Variants in SERINC5 observed in about 807,000 individuals in gnomAD.
SERINC5 encodes the protein chromosome 5 open reading frame 12.
Under a neutral mutation model 63.1 loss-of-function variants are expected in SERINC5, and 41 were observed. The observed-to-expected ratio is 0.65, with a 90% confidence interval of 0.51 to 0.84. The LOEUF (loss-of-function observed/expected upper bound fraction) is 0.84, where lower values mean the gene tolerates loss of function less well. Ranked by LOEUF, SERINC5 falls within the 40% of genes least tolerant of loss-of-function variation. The pLI, the probability that SERINC5 is intolerant of heterozygous loss-of-function variation, is 0.00. For synonymous variants in SERINC5, 222 were observed against 215.2 expected, an observed-to-expected ratio of 1.03 and a Z score of -0.28; for missense variants, 523 against 573.0, an observed-to-expected ratio of 0.91 and a Z score of 0.89.
chr5:80,120,730 G>A (rs1220298261), intron 11 of SERINC5, among the ~76,000 whole-genome samples: 3 of 151,986 alleles, frequency 2.0e-5, no homozygotes, highest in African/African-American at 4.8e-5. Flanking sequence ...CACAAGAATC[G>A]CTTGAACCCA....
chr5:80,213,969 T>C (rs889572743), intron 1 of SERINC5, among the ~76,000 whole-genome samples: 12 of 152,212 alleles, frequency 7.9e-5, no homozygotes, highest in Admixed American at 2.6e-4. Context: ...ATACATAAGA[T>C]GACTATCTAC....
chr5:80,203,472 G>A (rs1034116884), intron 1 of SERINC5, among the ~76,000 whole-genome samples: 1 of 151,632 alleles, frequency 6.6e-6, no homozygotes, highest in Non-Finnish European at 1.5e-5. Flanking sequence ...AGGAGTTTGA[G>A]ATCAGCCTGG....
intron 1 of SERINC5, among the ~76,000 whole-genome samples, chr5:80,230,855 C>G (rs1047366581): frequency 1.3e-5 from 2 of 152,128 alleles, no homozygotes; most frequent in African/African-American, 4.8e-5. Flanking sequence ...CTATCCCAGG[C>G]TGGATGGAGT....
At chr5:80,250,410 T>G (rs957774055) in intron 1 of SERINC5, among the ~76,000 whole-genome samples, 1 of 152,184 alleles carries the variant, frequency 6.6e-6, no homozygotes, top group African/African-American at 2.4e-5. Context: ...GCCATGATCT[T>G]GGCTCACAGC....
At chr5:80,131,749 T>C (rs1744957170) in intron 11 of SERINC5, among the ~76,000 whole-genome samples, 1 of 152,174 alleles carries the variant, frequency 6.6e-6, no homozygotes, top group Non-Finnish European at 1.5e-5. Context: ...AGCAGAAATA[T>C]CTCACACCTC....
chr5:80,161,038 A>G (rs956240175), intron 7 of SERINC5, among the ~76,000 whole-genome samples: 10 of 123,976 alleles, frequency 8.1e-5, no homozygotes, highest in Non-Finnish European at 1.4e-4. Context: ...ACACACGTGT[A>G]TATATATATA....
intron 9 of SERINC5, 23 bp downstream of exon 9, chr5:80,150,859 A>T: frequency 6.4e-7 from 1 of 1,555,198 alleles, no homozygotes; most frequent in Non-Finnish European, 8.9e-7. Context: ...ATGAAGCAGG[A>T]CAGGAAAAGG....
At chr5:80,198,913 T>A (rs1451162293) in intron 2 of SERINC5, among the ~76,000 whole-genome samples, 1 of 152,192 alleles carries the variant, frequency 6.6e-6, no homozygotes, top group Non-Finnish European at 1.5e-5. Context: ...AGAGCCTCTG[T>A]GAGGGACATC....
At chr5:80,118,154 G>A (rs1005740601) in intron 11 of SERINC5, among the ~76,000 whole-genome samples, 1 of 151,912 alleles carries the variant, frequency 6.6e-6, no homozygotes, top group African/African-American at 2.4e-5. Flanking sequence ...AATGAACTGA[G>A]ATCACACCAT....
intron 1 of SERINC5, among the ~76,000 whole-genome samples, chr5:80,228,191 C>T (rs966566202): frequency 1.4e-5 from 2 of 142,646 alleles, no homozygotes; most frequent in Admixed American, 7.2e-5. Flanking sequence ...GCTATGATTT[C>T]GGCACTACAC....
intron 5 of SERINC5, among the ~76,000 whole-genome samples, chr5:80,173,452 C>G (rs1013362337): frequency 6.6e-6 from 1 of 151,966 alleles, no homozygotes; most frequent in Non-Finnish European, 1.5e-5. Flanking sequence ...AAAAATTAGC[C>G]GGGCATGGTG....
Position 80,255,941 on chromosome 5 carries a change from A to G in SERINC5, c.-19T>C. 1 of 1,540,476 alleles carries G rather than the reference A, an allele frequency of 6.5e-7. No homozygotes were observed. Among genetic ancestry groups the G allele is most frequent in the Non-Finnish European group, 8.7e-7 (1 of 1,152,466 alleles). On this transcript the variant is annotated 5_prime_UTR_variant, in exon 1 of 12. Coordinates refer to ENST00000507668, the MANE Select transcript of SERINC5 (RefSeq NM_001174072.3). ...CTGACATCGCGGCGGCCAATGCCGAAGGCGCGCTCGCTGGCTCCCCGCGCC... is the reference window on the plus strand; with the variant it reads ...CTGACATCGCGGCGGCCAATGCCGAGGGCGCGCTCGCTGGCTCCCCGCGCC...
chr5:80,111,874 T>C (rs777152501), intron 12 of SERINC5, among the ~76,000 whole-genome samples: 18 of 152,238 alleles, frequency 1.2e-4, no homozygotes, highest in Non-Finnish European at 1.6e-4. Flanking sequence ...AAACATGTGT[T>C]GTATGGAATT....
At chr5:80,161,036 GTATATATATATA>G (rs538888494) in intron 7 of SERINC5, among the ~76,000 whole-genome samples, 48 of 124,848 alleles carry the variant, frequency 3.8e-4, no homozygotes, top group African/African-American at 1.8e-3. Flanking sequence ...ATACACACGT[GTATATATATATA>G]TGTATGTATG....
intron 1 of SERINC5, among the ~76,000 whole-genome samples, chr5:80,217,886 T>C (rs1228085739): frequency 2.6e-5 from 4 of 152,134 alleles, no homozygotes; most frequent in African/African-American, 9.7e-5. Flanking sequence ...GTTAGGTGAT[T>C]TGGCTCAAGG....
At chr5:80,234,091 T>G (rs1252822188) in intron 1 of SERINC5, among the ~76,000 whole-genome samples, 1 of 152,148 alleles carries the variant, frequency 6.6e-6, no homozygotes, top group African/African-American at 2.4e-5. Flanking sequence ...ATTACAGGCG[T>G]GAGCCACCAT....
chr5:80,206,811 C>T (rs371248189), intron 1 of SERINC5, among the ~76,000 whole-genome samples: 3 of 117,794 alleles, frequency 2.5e-5, no homozygotes, highest in South Asian at 2.8e-4. Flanking sequence ...TCACTGATTG[C>T]TTTTTTTTTT....
chr5:80,247,480 G>A (rs13180605), intron 1 of SERINC5, among the ~76,000 whole-genome samples: 21,120 of 152,118 alleles, frequency 0.14, 1,742 homozygotes, highest in Admixed American at 0.19. Context: ...CTCCTCAACC[G>A]TGCCTACAAA....
intron 1 of SERINC5, among the ~76,000 whole-genome samples, chr5:80,232,994 T>C (rs1751521419): frequency 6.6e-6 from 1 of 152,200 alleles, no homozygotes; most frequent in South Asian, 2.1e-4. Flanking sequence ...GAGTGACTGC[T>C]AATAAGCATA....
Sources: gnomAD v4.1 joint callset for allele counts (sites outside exome capture counted in the v4.1 genomes callset) on GRCh38, gnomAD v4.1.1 for gene constraint, MANE v1.5 for transcripts, NCBI Gene and HGNC (gene_info 2026-07-23, HGNC 2026-07-21) for gene names.